OPCML: variants seen among roughly 807,000 people sequenced by gnomAD.
The protein encoded by OPCML is opioid binding protein/cell adhesion molecule like.
OPCML carries 13 observed loss-of-function variants against 37.8 expected under a neutral mutation model. The observed-to-expected ratio is 0.34, with a 90% CI of 0.22 to 0.55. OPCML has a LOEUF of 0.55. OPCML is among the 20% of genes least tolerant of loss of function. The pLI, the probability that OPCML is intolerant of heterozygous loss-of-function variation, is 0.91. For synonymous variants in OPCML, 176 were observed against 168.8 expected (o/e 1.04, Z -0.33); for missense variants, 341 against 435.6 (o/e 0.78, Z 1.93).
chr11:133,138,821 T>G (rs997028621), intron 1 of OPCML, among the ~76,000 whole-genome samples: 1 of 152,168 alleles, frequency 6.6e-6, no homozygotes, highest in Non-Finnish European at 1.5e-5. Context: ...TTCATAGAGA[T>G]GCCTACATAA....
chr11:133,319,429 G>T (rs1446826661), intron 1 of OPCML, among the ~76,000 whole-genome samples: 1 of 152,078 alleles, frequency 6.6e-6, no homozygotes, highest in Non-Finnish European at 1.5e-5. Flanking sequence ...GTCCCGACAG[G>T]CTCAAATTCT....
At chr11:132,890,075 G>A (rs897024076) in intron 2 of OPCML, among the ~76,000 whole-genome samples, 4 of 152,082 alleles carry the variant, frequency 2.6e-5, no homozygotes, top group Non-Finnish European at 5.9e-5. Context: ...TTATCTTTGT[G>A]GGGCCTTTGT....
chr11:133,230,074 GA>G (rs1483506070), intron 1 of OPCML, among the ~76,000 whole-genome samples: 20 of 152,230 alleles, frequency 1.3e-4, no homozygotes, highest in African/African-American at 4.8e-4. Context: ...GATTAAAAAA[GA>G]AAAAGCTTCC....
chr11:133,327,980 T>C (rs1420225075), intron 1 of OPCML, among the ~76,000 whole-genome samples: 2 of 152,154 alleles, frequency 1.3e-5, no homozygotes, highest in East Asian at 1.9e-4. Flanking sequence ...GGTGGCTATT[T>C]TAGATATTCT....
At chr11:132,789,428 C>A (rs779115425) in intron 2 of OPCML, among the ~76,000 whole-genome samples, 3 of 152,018 alleles carry the variant, frequency 2.0e-5, no homozygotes, top group Non-Finnish European at 2.9e-5. Context: ...GTGATAGATG[C>A]TTAGAAAAAG....
intron 1 of OPCML, among the ~76,000 whole-genome samples, chr11:133,278,804 G>GGTAT (rs1190887721): frequency 6.6e-6 from 1 of 152,018 alleles, no homozygotes; most frequent in East Asian, 1.9e-4. Flanking sequence ...GGAATAAAAT[G>GGTAT]GTATGGTTAA....
intron 1 of OPCML, among the ~76,000 whole-genome samples, chr11:133,336,027 C>G (rs1278428323): frequency 6.6e-6 from 1 of 152,128 alleles, no homozygotes; most frequent in Non-Finnish European, 1.5e-5. Flanking sequence ...GCCAGGATGC[C>G]TATCCCAGGA....
chr11:132,618,703 A>G (rs575837818), intron 3 of OPCML, among the ~76,000 whole-genome samples: 2 of 152,294 alleles, frequency 1.3e-5, no homozygotes, highest in East Asian at 1.9e-4. Flanking sequence ...TGCTATTTTA[A>G]CCATTTTAAA....
intron 1 of OPCML, among the ~76,000 whole-genome samples, chr11:133,119,089 T>A (rs574417290): frequency 4.1e-4 from 63 of 152,212 alleles, no homozygotes; most frequent in Middle Eastern, 3.4e-3. Context: ...GCTTGGCAAG[T>A]TTTTTATCAG....
intron 1 of OPCML, among the ~76,000 whole-genome samples, chr11:133,531,738 G>GGAGAGGGAGAGAGA (rs1337558073): frequency 7.6e-6 from 1 of 132,126 alleles, no homozygotes; most frequent in Non-Finnish European, 1.6e-5. Flanking sequence ...GGGGAGAGGT[G>GGAGAGGGAGAGAGA]GAGAGGGAGA....
chr11:132,925,285 CTG>C (rs1157668040), intron 2 of OPCML, among the ~76,000 whole-genome samples: 1 of 152,240 alleles, frequency 6.6e-6, no homozygotes, highest in Non-Finnish European at 1.5e-5. Flanking sequence ...GATGTTTTCT[CTG>C]TCTCTTCGAA....
intron 4 of OPCML, among the ~76,000 whole-genome samples, chr11:132,479,856 A>C (rs1026442972): frequency 1.5e-4 from 22 of 151,696 alleles, no homozygotes; most frequent in Non-Finnish European, 2.4e-4. Flanking sequence ...ACATCCGCAC[A>C]AAAAACCCAT....
intron 1 of OPCML, among the ~76,000 whole-genome samples, chr11:133,172,555 C>T (rs1950301960): frequency 6.6e-6 from 1 of 152,092 alleles, no homozygotes; most frequent in Non-Finnish European, 1.5e-5. Flanking sequence ...TGGCTGGAGC[C>T]TAGAGGCATG....
At chr11:133,115,172 G>T (rs567811962) in intron 1 of OPCML, among the ~76,000 whole-genome samples, 1 of 152,164 alleles carries the variant, frequency 6.6e-6, no homozygotes, top group Admixed American at 6.5e-5. Flanking sequence ...GCTCTGAGCC[G>T]CTCAGCAAAG....
rs1161791418 is a variant in OPCML, at chr11:133,212,866, A to G, written c.62-269856T>C. On this transcript the variant is annotated intron_variant, in intron 1 of 7. Coordinates refer to ENST00000524381, the MANE Select transcript of OPCML (RefSeq NM_001012393.5). This position sits in a 1 kb window ranked among gnomAD's most constrained non-coding sequence, Gnocchi z 4.9. ...CCCTTTGTATGGGTTTCCATACTCTAAAATTCCACGTTTGTATCTGCGTCA... is the reference window on the plus strand; with the variant it reads ...CCCTTTGTATGGGTTTCCATACTCTGAAATTCCACGTTTGTATCTGCGTCA... Among the ~76,000 whole-genome samples the G allele has an allele frequency of 1.3e-5, 2 of 152,170 alleles. No individual in the cohort carries two copies. The highest frequency in any genetic ancestry group is 4.8e-5 in the African/African-American group (2 of 41,438).
chr11:132,861,652 C>T (rs1293115481), intron 2 of OPCML, among the ~76,000 whole-genome samples: 5 of 151,916 alleles, frequency 3.3e-5, no homozygotes, highest in Admixed American at 6.6e-5. Context: ...CTGGCTAACA[C>T]GGTGAAACCC....
At chr11:132,545,266 T>G (rs2096366281) in intron 3 of OPCML, among the ~76,000 whole-genome samples, 1 of 152,138 alleles carries the variant, frequency 6.6e-6, no homozygotes, top group Non-Finnish European at 1.5e-5. Context: ...GGAAAGAATA[T>G]TTTTTCTTCA....
intron 3 of OPCML, among the ~76,000 whole-genome samples, chr11:132,567,372 TAA>T (rs1289246659): frequency 6.6e-6 from 1 of 152,208 alleles, no homozygotes; most frequent in Non-Finnish European, 1.5e-5. Flanking sequence ...TGCTACAGGA[TAA>T]AAGTCATATT....
chr11:132,845,204 C>A (rs1941471065), intron 2 of OPCML, among the ~76,000 whole-genome samples: 1 of 150,762 alleles, frequency 6.6e-6, no homozygotes, highest in Non-Finnish European at 1.5e-5. Context: ...TGCCTCATAC[C>A]CAGGGTAAAT....
Sources: allele counts gnomAD v4.1 joint callset (sites outside exome capture counted in the v4.1 genomes callset), GRCh38; gene constraint gnomAD v4.1.1; non-coding constraint Gnocchi (gnomAD v3.1); transcripts MANE v1.5; gene names NCBI Gene and HGNC (gene_info 2026-07-23, HGNC 2026-07-21).